The following PCDH9 variants were observed in gnomAD, a reference collection of about 807,000 sequenced individuals.
PCDH9 encodes protocadherin 9, also known as protocadherin-9.
Under a neutral mutation model 70.6 loss-of-function variants are expected in PCDH9, and 24 were observed. The observed-to-expected ratio is 0.34, with a 90% confidence interval of 0.25 to 0.48. The LOEUF (loss-of-function observed/expected upper bound fraction) is 0.48, where lower values mean the gene tolerates loss of function less well. Among genes scored for constraint, PCDH9 ranks in the 20% least tolerant of loss-of-function variants. The pLI, the probability that PCDH9 is intolerant of heterozygous loss-of-function variation, is 0.99. For missense variants in PCDH9, 1,281 were observed against 1,503.6 expected, an observed-to-expected ratio of 0.85 and a Z score of 2.45; for synonymous variants, 562 against 558.5, an observed-to-expected ratio of 1.01 and a Z score of -0.09.
intron 3 of PCDH9, among the ~76,000 whole-genome samples, chr13:66,833,332 C>T (rs1442197117): frequency 3.3e-5 from 5 of 152,118 alleles, no homozygotes; most frequent in South Asian, 2.1e-4. Context: ...TGACTTCTCT[C>T]GGTCCTTTAT....
At chr13:67,084,162 T>C (rs1287914430) in intron 2 of PCDH9, among the ~76,000 whole-genome samples, 1 of 152,152 alleles carries the variant, frequency 6.6e-6, no homozygotes, top group African/African-American at 2.4e-5. Context: ...CACAGGATAG[T>C]TCCTTTATAG....
intron 3 of PCDH9, among the ~76,000 whole-genome samples, chr13:66,848,711 G>A (rs931573188): frequency 6.6e-5 from 10 of 151,928 alleles, no homozygotes; most frequent in Non-Finnish European, 1.3e-4. Context: ...GGCGGATCAC[G>A]AGGTCATGAG....
At chr13:66,735,228 T>C (rs2079130678) in intron 3 of PCDH9, among the ~76,000 whole-genome samples, 1 of 152,200 alleles carries the variant, frequency 6.6e-6, no homozygotes, top group African/African-American at 2.4e-5. Context: ...TTGACACATA[T>C]GCTGACTGGA....
At chr13:66,968,437 A>G (rs559143492) in intron 2 of PCDH9, among the ~76,000 whole-genome samples, 1 of 152,006 alleles carries the variant, frequency 6.6e-6, no homozygotes, top group Non-Finnish European at 1.5e-5. Context: ...TAGTCCACTT[A>G]CAATCAACTA....
chr13:66,402,761 A>G (rs1957209806), intron 4 of PCDH9, among the ~76,000 whole-genome samples: 1 of 152,184 alleles, frequency 6.6e-6, no homozygotes, highest in African/African-American at 2.4e-5. Context: ...ATGAAAAATA[A>G]ACTTCACGTA....
intron 4 of PCDH9, among the ~76,000 whole-genome samples, chr13:66,391,803 T>C (rs1356786347): frequency 6.6e-6 from 1 of 151,424 alleles, no homozygotes; most frequent in African/African-American, 2.4e-5. Flanking sequence ...CAGAATCAGG[T>C]GGCCCAAAAT....
chr13:66,706,062 T>C (rs1225875303), intron 3 of PCDH9, among the ~76,000 whole-genome samples: 1 of 152,166 alleles, frequency 6.6e-6, no homozygotes, highest in Non-Finnish European at 1.5e-5. Flanking sequence ...CAGCTAACAC[T>C]ATGTAAATGA....
intron 4 of PCDH9, among the ~76,000 whole-genome samples, chr13:66,526,193 T>C (rs769580516): frequency 6.6e-6 from 1 of 152,152 alleles, no homozygotes; most frequent in Non-Finnish European, 1.5e-5. Flanking sequence ...AGTCTTTCTA[T>C]TGCAAGCTCT....
rs576331642 is a variant in PCDH9, at chr13:66,534,741, G to A, written c.3340+96469C>T. The stretch of plus-strand genomic sequence containing the variant: ...GCACACATTCTTATAAGAACTATGC[G>A]AACTGGTGACTCAGAATAACTGTCT... On this transcript the variant is annotated intron_variant, in intron 4 of 4. Coordinates refer to ENST00000377865, the MANE Select transcript of PCDH9 (RefSeq NM_203487.3). 4.6e-5 allele frequency among the ~76,000 whole-genome samples: 7 copies of A among 152,056 alleles called. No individual in the cohort carries two copies. In the South Asian group the frequency reaches 1.0e-3, roughly 23 times the overall value.
At chr13:67,023,536 T>C (rs138728539) in intron 2 of PCDH9, among the ~76,000 whole-genome samples, 5 of 152,276 alleles carry the variant, frequency 3.3e-5, no homozygotes, top group Middle Eastern at 3.4e-3. Flanking sequence ...GTCAAGAATT[T>C]GAAACAAGTA....
intron 4 of PCDH9, among the ~76,000 whole-genome samples, chr13:66,354,530 C>T (rs1049268408): frequency 3.9e-5 from 6 of 152,030 alleles, no homozygotes; most frequent in African/African-American, 1.4e-4. Context: ...AATTGCCATA[C>T]TCTGTTTCTT....
chr13:66,941,412 A>C (rs1196798540), intron 2 of PCDH9, among the ~76,000 whole-genome samples: 1 of 151,870 alleles, frequency 6.6e-6, no homozygotes, highest in African/African-American at 2.4e-5. Flanking sequence ...GTTATAAAGA[A>C]TAACATTTAT....
chr13:67,105,473 C>A (rs1042606444), intron 2 of PCDH9, among the ~76,000 whole-genome samples: 1 of 152,004 alleles, frequency 6.6e-6, no homozygotes, highest in African/African-American at 2.4e-5. Context: ...GAAATAAATT[C>A]TCTGGGTACC....
At chr13:66,669,616 C>A (rs2078144241) in intron 3 of PCDH9, among the ~76,000 whole-genome samples, 1 of 151,882 alleles carries the variant, frequency 6.6e-6, no homozygotes, top group African/African-American at 2.4e-5. Context: ...TCTCAGAAAA[C>A]CAAATGGGAA....
chr13:67,154,919 G>A (rs2087772019), intron 2 of PCDH9, among the ~76,000 whole-genome samples: 1 of 151,828 alleles, frequency 6.6e-6, no homozygotes, highest in Non-Finnish European at 1.5e-5. Context: ...TGCCATGTTG[G>A]TCAGTCTGGT....
At chr13:66,844,631 G>A (rs926505320) in intron 3 of PCDH9, among the ~76,000 whole-genome samples, 4 of 151,226 alleles carry the variant, frequency 2.6e-5, no homozygotes, top group African/African-American at 4.9e-5. Flanking sequence ...TAAGTAGCAC[G>A]GTAACCATGA....
intron 4 of PCDH9, among the ~76,000 whole-genome samples, chr13:66,571,033 T>C (rs2076726331): frequency 6.6e-6 from 1 of 152,178 alleles, no homozygotes; most frequent in African/African-American, 2.4e-5. Flanking sequence ...AGAATTAACC[T>C]TCTTAACATT....
At chr13:67,182,808 T>C (rs541117031) in intron 2 of PCDH9, among the ~76,000 whole-genome samples, 1 of 152,284 alleles carries the variant, frequency 6.6e-6, no homozygotes, top group East Asian at 1.9e-4. Context: ...TTCCTTTACA[T>C]GCCACTCTGC....
rs930897430 is a variant in PCDH9 at position 66,321,733 on chromosome 13, G to C, written c.3341-16705C>G. Among the ~76,000 whole-genome samples, 18 of 152,106 alleles carry C rather than the reference G, an allele frequency of 1.2e-4. 2 individuals carry two copies. Among genetic ancestry groups the C allele is most frequent in the African/African-American group, 4.1e-4 (17 of 41,426 alleles). ...AAAATTCTAATTGCTCATGCCAAAA[G>C]ATGAGCAAACCCTGTGTTTTCTAAT... On this transcript the variant is annotated intron_variant, in intron 4 of 4. Coordinates refer to ENST00000377865, the MANE Select transcript of PCDH9 (RefSeq NM_203487.3).
Sources: allele counts gnomAD v4.1 joint callset (sites outside exome capture counted in the v4.1 genomes callset), GRCh38; gene constraint gnomAD v4.1.1; transcripts MANE v1.5; gene names NCBI Gene and HGNC (gene_info 2026-07-23, HGNC 2026-07-21).